ROBO2: variants seen among roughly 807,000 people sequenced by gnomAD.
ROBO2 encodes roundabout homolog 2.
ROBO2 carries 53 observed loss-of-function variants against 160.8 expected under a neutral mutation model. The ratio of observed to expected loss-of-function variants is 0.33; its 90% CI spans 0.26 to 0.41. The LOEUF is 0.41. Ranked by LOEUF, ROBO2 falls within the 10% of genes least tolerant of loss-of-function variation. The pLI, the probability that ROBO2 is intolerant of heterozygous loss-of-function variation, is 1.00. For synonymous variants in ROBO2, 664 were observed against 611.7 expected (o/e 1.09, Z -1.26); for missense variants, 1,577 against 1,722.4 (o/e 0.92, Z 1.49).
intron 2 of ROBO2, among the ~76,000 whole-genome samples, chr3:77,180,828 A>G (rs1283463574): frequency 6.6e-6 from 1 of 152,060 alleles, no homozygotes; most frequent in Admixed American, 6.6e-5. Context: ...GTATAGTTTT[A>G]TATGTGGTAT....
At chr3:76,915,671 C>CA (rs372827394) in intron 2 of ROBO2, among the ~76,000 whole-genome samples, 45,078 of 96,106 alleles carry the variant, frequency 0.47, 8,658 homozygotes, top group East Asian at 0.54. Flanking sequence ...CTCTCGCTCT[C>CA]AAAAAAAAAA....
chr3:77,251,402 C>T lies in ROBO2; in HGVS notation c.388+153062C>T, dbSNP rs151124666. ...GAATTCAGGGAGCAGAGTTCTAGGGCAGTGCAGGGCAGTGAATGCTGTGGT... is the reference window on the plus strand; with the variant it reads ...GAATTCAGGGAGCAGAGTTCTAGGGTAGTGCAGGGCAGTGAATGCTGTGGT... On this transcript the variant is annotated intron_variant, in intron 2 of 25. Coordinates refer to ENST00000461745, the Ensembl canonical transcript of ROBO2. Among the ~76,000 whole-genome samples the T allele has an allele frequency of 3.5e-3, 539 of 152,202 alleles. 3 individuals carry two copies. The highest frequency in any genetic ancestry group is 0.013 in the African/African-American group (520 of 41,512).
chr3:76,437,005 T>A (rs1190396784), intron 2 of ROBO2, among the ~76,000 whole-genome samples: 1 of 152,226 alleles, frequency 6.6e-6, no homozygotes, highest in Non-Finnish European at 1.5e-5. Context: ...AACATTTAAA[T>A]ATTTAACAGC....
intron 2 of ROBO2, among the ~76,000 whole-genome samples, chr3:76,316,223 A>G (rs899318406): frequency 6.5e-4 from 99 of 152,196 alleles, no homozygotes; most frequent in Admixed American, 2.1e-3. Flanking sequence ...GTGTTTCCCA[A>G]TCCTAGTAAG....
chr3:77,238,277 G>A (rs528248015), intron 2 of ROBO2, among the ~76,000 whole-genome samples: 1 of 152,136 alleles, frequency 6.6e-6, no homozygotes, highest in South Asian at 2.1e-4. Context: ...TCTTGCCTTT[G>A]ATGCCATATC....
At chr3:76,912,804 G>T (rs1018179633) in intron 2 of ROBO2, among the ~76,000 whole-genome samples, 1 of 151,776 alleles carries the variant, frequency 6.6e-6, no homozygotes, top group Admixed American at 6.6e-5. Context: ...TAAACAAAAA[G>T]TATTAGGTTT....
intron 2 of ROBO2, among the ~76,000 whole-genome samples, chr3:76,165,694 C>CATCT (rs2072812194): frequency 6.6e-6 from 1 of 152,110 alleles, no homozygotes; most frequent in African/African-American, 2.4e-5. Flanking sequence ...GGGAGACATG[C>CATCT]ATCTCTTCCT....
At chr3:76,359,381 G>C (rs2075372054) in intron 2 of ROBO2, among the ~76,000 whole-genome samples, 1 of 152,002 alleles carries the variant, frequency 6.6e-6, no homozygotes, top group Admixed American at 6.6e-5. Flanking sequence ...ATGAATTACA[G>C]GAAACTATTA....
chr3:75,980,920 T>G (rs2065258102), intron 2 of ROBO2, among the ~76,000 whole-genome samples: 1 of 151,564 alleles, frequency 6.6e-6, no homozygotes, highest in Non-Finnish European at 1.5e-5. Flanking sequence ...AATAAATATT[T>G]ACACTTCTAT....
chr3:76,382,438 A>G (rs1447806484), intron 2 of ROBO2, among the ~76,000 whole-genome samples: 1 of 152,018 alleles, frequency 6.6e-6, no homozygotes, highest in Non-Finnish European at 1.5e-5. Context: ...AATACAAAAT[A>G]TTATCCGGGC....
At chr3:76,948,300 A>ATTT (rs1291985728) in intron 2 of ROBO2, among the ~76,000 whole-genome samples, 1 of 152,040 alleles carries the variant, frequency 6.6e-6, no homozygotes, top group Non-Finnish European at 1.5e-5. Flanking sequence ...TTTGAGATTC[A>ATTT]TTTTTGTTTC....
intron 7 of ROBO2, 124 bp downstream of exon 8, chr3:77,546,586 A>G: frequency 8.1e-7 from 1 of 1,230,874 alleles, no homozygotes; most frequent in Admixed American, 1.7e-5. Flanking sequence ...TGAAAAAGAG[A>G]CTGGTGAATG....
chr3:76,391,722 G>A (rs147386950), intron 2 of ROBO2, among the ~76,000 whole-genome samples: 2 of 152,176 alleles, frequency 1.3e-5, no homozygotes, highest in South Asian at 4.1e-4. Context: ...TGTTGGCCAG[G>A]CTTGTCTCGA....
Position 77,564,836 on chromosome 3 carries a change from T to TTGTG in ROBO2, c.1683-100_1683-97dup, listed in dbSNP as rs3832237. ...TTTATTGGGCTGAATACTTCAAGTG[T>TTGTG]TGTGTGTGTGTGTGTGTGTGTTTAA... is the stretch of plus-strand genomic sequence containing the variant. On this transcript the variant is annotated intron_variant, in intron 11 of 25. Transcript: ENST00000461745. 1.4e-3 allele frequency: 1,074 copies of TTGTG among 786,128 alleles called. 6 individuals carry two copies. In the African/African-American group the frequency reaches 0.015, roughly 11 times the overall value. 48.7% of individuals were successfully genotyped at this position (786,128 alleles called of 1,614,324 possible).
chr3:76,133,353 C>CA (rs1246943466), intron 2 of ROBO2, among the ~76,000 whole-genome samples: 1 of 151,586 alleles, frequency 6.6e-6, no homozygotes, highest in Non-Finnish European at 1.5e-5. Flanking sequence ...CTTTCACACT[C>CA]AAATATATAT....
At chr3:76,836,614 T>C (rs958126700) in intron 2 of ROBO2, among the ~76,000 whole-genome samples, 2 of 151,838 alleles carry the variant, frequency 1.3e-5, no homozygotes, top group African/African-American at 4.8e-5. Flanking sequence ...TTCTAATTTC[T>C]CTTTTGATTT....
rs536344078 is a variant in ROBO2, at chr3:76,818,248, G to T, written c.110-279766G>T. On this transcript the variant is annotated intron_variant, in intron 2 of 26. Transcript: ENST00000487694. ...TTGAATTTCCCTGATCATTAGTGAT[G>T]TTGAGCATTTTTTCATATCTTTGTT... Among the ~76,000 whole-genome samples, 5 of 152,174 alleles carry T rather than the reference G, an allele frequency of 3.3e-5. No homozygotes were observed. In the South Asian group the frequency reaches 8.3e-4, roughly 25 times the overall value.
At chr3:76,969,834 AGT>A (rs372433106) in intron 2 of ROBO2, among the ~76,000 whole-genome samples, 107 of 151,536 alleles carry the variant, frequency 7.1e-4, no homozygotes, top group African/African-American at 2.3e-3. Flanking sequence ...TGTGTGTGTT[AGT>A]GTGTGTGTGT....
intron 24 of ROBO2, among the ~76,000 whole-genome samples, chr3:77,638,710 C>G (rs568272152): frequency 4.0e-5 from 6 of 151,892 alleles, no homozygotes; most frequent in African/African-American, 9.7e-5. Context: ...TCAAAGAATA[C>G]CCTTGGAAGC....
Sources: gnomAD v4.1 joint callset for allele counts (sites outside exome capture counted in the v4.1 genomes callset) on GRCh38, gnomAD v4.1.1 for gene constraint, MANE v1.5 for transcripts, NCBI Gene and HGNC (gene_info 2026-07-23, HGNC 2026-07-21) for gene names.